Variants in ALDH7A1 observed in about 807,000 individuals in gnomAD.
ALDH7A1 encodes the protein alpha-aminoadipic semialdehyde dehydrogenase.
A neutral mutation model predicts 79.9 loss-of-function variants in ALDH7A1; 63 were observed. The ratio of observed to expected loss-of-function variants is 0.79; its 90% CI spans 0.64 to 0.97. The LOEUF is 0.97. ALDH7A1 is among the 50% of genes least tolerant of loss of function. The pLI, the probability that ALDH7A1 is intolerant of heterozygous loss-of-function variation, is 0.00. For missense variants in ALDH7A1, 627 were observed against 665.2 expected (o/e 0.94, Z 0.63); for synonymous variants, 240 against 231.2 (o/e 1.04, Z -0.34).
intron 9 of ALDH7A1, chr5:126,564,687 G>T: frequency 3.6e-6 from 2 of 558,236 alleles, no homozygotes; most frequent in Non-Finnish European, 5.5e-6. Flanking sequence ...AGTCTCTGCT[G>T]CAATCATTGA....
At chr5:126,545,771 G>A (rs1184103756) in intron 17 of ALDH7A1, among the ~76,000 whole-genome samples, 1 of 149,472 alleles carries the variant, frequency 6.7e-6, no homozygotes, top group Non-Finnish European at 1.5e-5. Flanking sequence ...CAGCCTGGGT[G>A]ACAGAGCAAG....
At chr5:126,594,244 T>C (rs755617413) in intron 1 of ALDH7A1, 5 of 470,932 alleles carry the variant, frequency 1.1e-5, no homozygotes, top group Non-Finnish European at 2.2e-5. Flanking sequence ...CATGGCAAGA[T>C]TTCGGCACGT....
chr5:126,546,943 A>G (rs1203227904), intron 16 of ALDH7A1, among the ~76,000 whole-genome samples: 1 of 152,262 alleles, frequency 6.6e-6, no homozygotes, highest in Non-Finnish European at 1.5e-5. Context: ...TCTCCATTAA[A>G]TGGGTTCCAG....
chr5:126,553,789 A>G (rs1750082430), intron 13 of ALDH7A1, among the ~76,000 whole-genome samples: 1 of 150,888 alleles, frequency 6.6e-6, no homozygotes, highest in Non-Finnish European at 1.5e-5. Context: ...ACTCCAGCCT[A>G]GGTGGCAGAG....
At chr5:126,594,204 C>T (rs890818672) in intron 1 of ALDH7A1, 2 of 470,992 alleles carry the variant, frequency 4.2e-6, no homozygotes, top group African/African-American at 4.0e-5. Context: ...AAAATCCAGT[C>T]CTCAAAGGAG....
chr5:126,582,788 TA>T (rs1751220388), intron 5 of ALDH7A1, 62 bp downstream of exon 5: 1 of 1,596,104 alleles, frequency 6.3e-7, no homozygotes, highest in African/African-American at 1.3e-5. Flanking sequence ...CAGAGTATTT[TA>T]TTTTTTTTGG....
chr5:126,568,230 AAAATCCTC>A (rs1192975179), intron 9 of ALDH7A1, 21 bp downstream of exon 9: 14 of 1,603,378 alleles, frequency 8.7e-6, no homozygotes, highest in Non-Finnish European at 1.2e-5. Context: ...TGAGAGAATT[AAAATCCTC>A]ATTAGAAAGC....
chr5:126,573,893 G>C (rs1750867847), intron 7 of ALDH7A1, among the ~76,000 whole-genome samples: 1 of 150,974 alleles, frequency 6.6e-6, no homozygotes, highest in Non-Finnish European at 1.5e-5. Context: ...AGCCCGGCGT[G>C]GTGGCCCACA....
At chr5:126,552,191 T>C in intron 13 of ALDH7A1, 54 bp from the exon 14 acceptor site, 1 of 1,416,892 alleles carries the variant, frequency 7.1e-7, no homozygotes, top group Non-Finnish European at 1.0e-6. Context: ...TTCTAGGACT[T>C]GGGGTCAGAG....
chr5:126,562,598 C>T (rs955952009), intron 9 of ALDH7A1, among the ~76,000 whole-genome samples: 12 of 152,020 alleles, frequency 7.9e-5, no homozygotes, highest in African/African-American at 2.9e-4. Flanking sequence ...GCCTGTAATC[C>T]CAGCACTTTA....
At position 126,559,293 on chromosome 5, in the gene ALDH7A1, G is replaced by C. The variant is rs775830338; in HGVS notation, c.955C>G (p.Leu319Val). The C allele has an allele frequency of 6.2e-7, 1 of 1,614,034 alleles. No individual in the cohort carries two copies. The highest frequency in any genetic ancestry group is 1.1e-5 in the South Asian group (1 of 91,062). ...ADLSLVVPSA[L>V]FAAVGTAGQR... ...CCAGCTGTTCCCACAGCAGCGAAGA[G>C]AGCTGATGGAACAACTAAGCTGAGG... The change falls in exon 11 of 18, where the codon CTC becomes GTC. Residue 319 changes from leucine (L) to valine (V), a missense_variant. Transcript: ENST00000409134.
chr5:126,553,888 A>G (rs1750085657), intron 13 of ALDH7A1, among the ~76,000 whole-genome samples: 3 of 151,870 alleles, frequency 2.0e-5, no homozygotes, highest in Admixed American at 2.0e-4. Flanking sequence ...TGGGTGGATC[A>G]CTTGAGGCCA....
At chr5:126,568,487 G>A (rs1185287460) in intron 8 of ALDH7A1, 131 bp from the exon 9 acceptor site, 3 of 820,836 alleles carry the variant, frequency 3.7e-6, no homozygotes, top group Non-Finnish European at 6.3e-6. Context: ...TGTCCCAGGG[G>A]AGCAAGGGAA....
intron 9 of ALDH7A1, among the ~76,000 whole-genome samples, chr5:126,566,637 G>C (rs1333999419): frequency 6.6e-6 from 1 of 152,096 alleles, no homozygotes; most frequent in Non-Finnish European, 1.5e-5. Flanking sequence ...GCACAGTACA[G>C]TATACAAAGC....
At chr5:126,575,593 G>A (rs1256190829) in intron 6 of ALDH7A1, 129 bp from the exon 7 acceptor site, 8 of 744,342 alleles carry the variant, frequency 1.1e-5, no homozygotes, top group Non-Finnish European at 1.7e-5. Flanking sequence ...TAACAAGTGA[G>A]TCTAGTAACT....
chr5:126,592,875 T>A, intron 2 of ALDH7A1, 146 bp from the exon 3 acceptor site: 1 of 847,862 alleles, frequency 1.2e-6, no homozygotes, highest in African/African-American at 1.7e-5. Context: ...CCACAGTCTA[T>A]ACTTCCAAAA....
chr5:126,546,400 C>T lies in ALDH7A1; in HGVS notation c.1490-1G>A. ...CCACCACCAGTGTGCTTTTCTCCTC[C>T]TAGAGAAATAAAAAATAATATCATA... On this transcript the variant is annotated splice_acceptor_variant, in intron 16 of 17. Transcript: ENST00000409134. LOFTEE classifies it high-confidence loss of function. 6.2e-7 allele frequency: 1 copy of T among 1,613,588 alleles called. No homozygotes were observed. The highest frequency in any genetic ancestry group is 8.5e-7 in the Non-Finnish European group (1 of 1,179,542).
intron 17 of ALDH7A1, among the ~76,000 whole-genome samples, chr5:126,545,791 CA>C (rs561880588): frequency 2.7e-3 from 346 of 128,036 alleles, no homozygotes; most frequent in Middle Eastern, 7.8e-3. Context: ...GACTCCATCT[CA>C]AAAAAAAAAA....
chr5:126,554,724 T>G (rs1750123534), intron 12 of ALDH7A1: 1 of 376,074 alleles, frequency 2.7e-6, no homozygotes, highest in Admixed American at 3.7e-5. Context: ...TTTAAAGGAA[T>G]GGCTATCAAT....
Sources: allele counts gnomAD v4.1 joint callset (sites outside exome capture counted in the v4.1 genomes callset), GRCh38; gene constraint gnomAD v4.1.1; transcripts MANE v1.5; gene names NCBI Gene and HGNC (gene_info 2026-07-23, HGNC 2026-07-21).